SLC35F1: variants seen among roughly 807,000 people sequenced by gnomAD.
SLC35F1 encodes chromosome 6 open reading frame 169.
A neutral mutation model predicts 48.7 loss-of-function variants in SLC35F1; 14 were observed. That is an observed-to-expected ratio of 0.29 (90% CI 0.19 to 0.45). The LOEUF is 0.45. Among genes scored for constraint, SLC35F1 ranks in the 20% least tolerant of loss-of-function variants. SLC35F1 has a pLI of 1.00. For missense variants in SLC35F1, 404 were observed against 500.0 expected, an observed-to-expected ratio of 0.81 and a Z score of 1.83; for synonymous variants, 190 against 202.2, an observed-to-expected ratio of 0.94 and a Z score of 0.51.
At chr6:118,291,366 A>C (rs1464819379) in intron 7 of SLC35F1, among the ~76,000 whole-genome samples, 2 of 152,090 alleles carry the variant, frequency 1.3e-5, no homozygotes, top group Admixed American at 6.6e-5. Flanking sequence ...TTGGGGAAAA[A>C]GTATTTAAAT....
At chr6:117,960,756 G>A (rs1776487500) in intron 1 of SLC35F1, among the ~76,000 whole-genome samples, 1 of 152,154 alleles carries the variant, frequency 6.6e-6, no homozygotes, top group Admixed American at 6.5e-5. Flanking sequence ...AGGCATGGGA[G>A]AGACAAAAGT....
At chr6:118,182,519 AGAAGGAAGGAAG>A (rs10529265) in intron 2 of SLC35F1, among the ~76,000 whole-genome samples, 4,368 of 106,302 alleles carry the variant, frequency 0.041, 276 homozygotes, top group African/African-American at 0.13. Context: ...AGAGAGAGAG[AGAAGGAAGGAAG>A]GAAGGAAGGA....
At chr6:118,297,907 A>G (rs893271750) in intron 7 of SLC35F1, among the ~76,000 whole-genome samples, 2 of 151,768 alleles carry the variant, frequency 1.3e-5, no homozygotes, top group Admixed American at 1.3e-4. Flanking sequence ...TGTTTGGGTC[A>G]TGAGGGCGGA....
chr6:117,993,737 A>G (rs1242140674), intron 1 of SLC35F1, among the ~76,000 whole-genome samples: 1 of 152,054 alleles, frequency 6.6e-6, no homozygotes. Flanking sequence ...CCTTTAATTG[A>G]TTTCTTGTTT....
At chr6:118,017,462 A>G (rs1777337526) in intron 1 of SLC35F1, among the ~76,000 whole-genome samples, 1 of 152,240 alleles carries the variant, frequency 6.6e-6, no homozygotes, top group South Asian at 2.1e-4. Flanking sequence ...AATTTACAGC[A>G]GGATCATCTG....
rs143293009 is a variant in SLC35F1 at position 118,228,634 on chromosome 6, C to T, written c.350-6875C>T. Among the ~76,000 whole-genome samples the T allele has an allele frequency of 5.0e-3, 760 of 152,198 alleles. 11 individuals carry two copies. Among genetic ancestry groups the T allele is most frequent in the African/African-American group, 0.017 (712 of 41,524 alleles). The stretch of plus-strand genomic sequence containing the variant: ...GCTTGATCCTGGGAGGGCAAGGCTG[C>T]AGTGAACCAAGATCACACCACTGCA... On this transcript the variant is annotated intron_variant, in intron 2 of 7. Transcript: ENST00000360388.
At chr6:118,122,257 A>C (rs1301912920) in intron 1 of SLC35F1, among the ~76,000 whole-genome samples, 8 of 151,526 alleles carry the variant, frequency 5.3e-5, no homozygotes, top group South Asian at 2.1e-4. Context: ...AAAAAAAAAA[A>C]ACATGAAAAT....
At chr6:117,956,127 T>C (rs1430511932) in intron 1 of SLC35F1, among the ~76,000 whole-genome samples, 1 of 152,232 alleles carries the variant, frequency 6.6e-6, no homozygotes, top group Non-Finnish European at 1.5e-5. Flanking sequence ...TAGTCCCTGC[T>C]TCCAGGCCTA....
rs138778381 is a variant in SLC35F1, at chr6:118,076,437, C to T, written c.174-78008C>T. Among the ~76,000 whole-genome samples, 189 of 152,238 alleles carry T rather than the reference C, an allele frequency of 1.2e-3. 2 individuals carry two copies. Among genetic ancestry groups the T allele is most frequent in the African/African-American group, 4.3e-3 (178 of 41,538 alleles). On this transcript the variant is annotated intron_variant, in intron 1 of 7. Coordinates refer to ENST00000360388, the MANE Select transcript of SLC35F1 (RefSeq NM_001029858.4). ...TTGACTCACGGTTCTACAGGCCGTA[C>T]AGGAGGCATGGCTGGGGAGGCCTCA...
chr6:118,130,961 A>C (rs756217889), intron 1 of SLC35F1, among the ~76,000 whole-genome samples: 2 of 152,190 alleles, frequency 1.3e-5, no homozygotes, highest in Non-Finnish European at 2.9e-5. Context: ...AATACTTTAC[A>C]ATCTTCTAAT....
intron 1 of SLC35F1, among the ~76,000 whole-genome samples, chr6:118,007,297 C>T (rs1777186207): frequency 6.6e-6 from 1 of 152,154 alleles, no homozygotes; most frequent in Non-Finnish European, 1.5e-5. Flanking sequence ...GACCCAGTCA[C>T]CTCTTAAAGA....
chr6:118,032,134 C>A (rs1562269209), intron 1 of SLC35F1, among the ~76,000 whole-genome samples: 1 of 152,092 alleles, frequency 6.6e-6, no homozygotes, highest in Admixed American at 6.5e-5. Flanking sequence ...GCTCAATAAA[C>A]CCAGACATAT....
intron 1 of SLC35F1, among the ~76,000 whole-genome samples, chr6:118,140,569 C>T (rs1358479371): frequency 2.0e-5 from 3 of 148,474 alleles, no homozygotes; most frequent in African/African-American, 7.4e-5. Flanking sequence ...CTATACTATA[C>T]TTTTAATCTT....
chr6:118,225,951 A>G (rs1044009605), intron 2 of SLC35F1, among the ~76,000 whole-genome samples: 31 of 19,218 alleles, frequency 1.6e-3, no homozygotes, highest in African/African-American at 4.5e-3. Context: ...GTGGGAGAAA[A>G]TATTTGGAAA....
At chr6:117,912,615 T>C (rs1775776822) in intron 1 of SLC35F1, among the ~76,000 whole-genome samples, 1 of 152,104 alleles carries the variant, frequency 6.6e-6, no homozygotes, top group Non-Finnish European at 1.5e-5. Flanking sequence ...ATGAGGTTGA[T>C]TAATATAAAA....
chr6:118,104,760 T>C (rs897066131), intron 1 of SLC35F1, among the ~76,000 whole-genome samples: 2 of 152,158 alleles, frequency 1.3e-5, no homozygotes. Context: ...TTTGGACCAG[T>C]GTACTTGCAA....
At chr6:117,953,113 G>A (rs1335451063) in intron 1 of SLC35F1, among the ~76,000 whole-genome samples, 1 of 152,124 alleles carries the variant, frequency 6.6e-6, no homozygotes, top group Non-Finnish European at 1.5e-5. Flanking sequence ...GTAGAGAGTA[G>A]TTGTTATTGT....
intron 1 of SLC35F1, among the ~76,000 whole-genome samples, chr6:118,072,513 G>A (rs1050745721): frequency 6.6e-6 from 1 of 152,126 alleles, no homozygotes; most frequent in Non-Finnish European, 1.5e-5. Flanking sequence ...GCAGTGAGCA[G>A]AGATCGTGCC....
chr6:118,220,334 G>A (rs894278766), intron 2 of SLC35F1, among the ~76,000 whole-genome samples: 7 of 152,006 alleles, frequency 4.6e-5, no homozygotes, highest in South Asian at 2.1e-4. Context: ...GGCAGGAATC[G>A]GGGGAAGTCT....
Sources: allele counts gnomAD v4.1 joint callset (sites outside exome capture counted in the v4.1 genomes callset), GRCh38; gene constraint gnomAD v4.1.1; transcripts MANE v1.5; gene names NCBI Gene and HGNC (gene_info 2026-07-23, HGNC 2026-07-21).